The following MBD5 variants were observed in gnomAD, a reference collection of about 807,000 sequenced individuals.
MBD5 encodes methyl-CpG-binding domain protein 5.
In MBD5, 13 loss-of-function variants were observed where a neutral mutation model predicts 117.3. The ratio of observed to expected loss-of-function variants is 0.11; its 90% CI spans 0.07 to 0.18. The LOEUF is 0.18. MBD5 is among the 10% of genes least tolerant of loss of function. MBD5 has a pLI of 1.00. For synonymous variants in MBD5, 727 were observed against 766.4 expected (o/e 0.95, Z 0.85); for missense variants, 1,879 against 2,093.8 (o/e 0.90, Z 2.00).
intron 3 of MBD5, among the ~76,000 whole-genome samples, chr2:148,325,011 C>T (rs192840980): frequency 9.9e-5 from 15 of 152,266 alleles, no homozygotes; most frequent in Non-Finnish European, 1.8e-4. Context: ...TACATCCCAT[C>T]AATATCTAAT....
intron 4 of MBD5, among the ~76,000 whole-genome samples, chr2:148,445,949 GTTCATATCC>G (rs1180168942): frequency 6.6e-6 from 1 of 151,228 alleles, no homozygotes. Flanking sequence ...AGAAGCGTCT[GTTCATATCC>G]TTCGCCCACG....
At position 148,513,007 on chromosome 2, in the gene MBD5, G is replaced by C; in HGVS notation, c.*66G>C. The C allele has an allele frequency of 2.2e-6, 3 of 1,385,412 alleles. No homozygotes were observed. The highest frequency in any genetic ancestry group is 3.1e-6 in the Non-Finnish European group (3 of 973,094). 85.8% of individuals were successfully genotyped at this position (1,385,412 alleles called of 1,614,324 possible). A position where few individuals can be genotyped will look rare whatever the true frequency, so the allele number is the denominator to read the frequency against. ...CATGCACAGATGTATCTGTATATAGGTATTGATATAGCCACAGTTATATCA... is the reference window on the plus strand; with the variant it reads ...CATGCACAGATGTATCTGTATATAGCTATTGATATAGCCACAGTTATATCA... On this transcript the variant is annotated 3_prime_UTR_variant, in exon 14 of 14. Coordinates refer to ENST00000642680, the MANE Select transcript of MBD5 (RefSeq NM_001378120.1).
chr2:148,167,584 G>A (rs1214706404), intron 1 of MBD5, among the ~76,000 whole-genome samples: 1 of 152,020 alleles, frequency 6.6e-6, no homozygotes, highest in African/African-American at 2.4e-5. Context: ...TTATAATAGT[G>A]TTTTTCTTGG....
In MBD5 at chr2:148,483,884, C is replaced by T. The variant is rs1317202232; in HGVS notation, c.3293C>T (p.Ser1098Leu). ...QLLGGVLNSA[S>L]ANTANHPEVS... Reference sequence around the variant, plus strand: ...TTGGGAGGTGTCCTGAACTCGGCATCGGCCAACACCGCTAATCATCCAGAG... The same window carrying T: ...TTGGGAGGTGTCCTGAACTCGGCATTGGCCAACACCGCTAATCATCCAGAG... Residue 1098 changes from serine (S) to leucine (L), a missense_variant, in exon 9 of 14, where the codon TCG becomes TTG. Ser to Leu is a moderately radical substitution (Grantham distance 145). Around this residue, in one of 4 missense-constraint regions of MBD5, gnomAD observed 1,666 missense variants for 1,792.2 expected, o/e 0.93. Transcript: ENST00000642680. 7.1e-6 allele frequency: 11 copies of T among 1,550,576 alleles called. 1 individual carries two copies. Among genetic ancestry groups the T allele is most frequent in the South Asian group, 5.9e-5 (5 of 84,056 alleles).
intron 2 of MBD5, among the ~76,000 whole-genome samples, chr2:148,180,027 T>C (rs973886781): frequency 6.6e-6 from 1 of 151,818 alleles, no homozygotes; most frequent in Non-Finnish European, 1.5e-5. Context: ...GCAGGAGTGT[T>C]TTTTCTTTTT....
In MBD5 at chr2:148,513,417, C is replaced by G. The variant is rs1307534233; in HGVS notation, c.*476C>G. On this transcript the variant is annotated 3_prime_UTR_variant, in exon 14 of 14. Transcript: ENST00000642680. ...TTCTATGGAGTACACCTACCAGAGA[C>G]TACCAGTGTAAAGTGATAAATAAAA... The G allele has an allele frequency of 1.3e-4, 21 of 164,560 alleles. No homozygotes were observed. In the East Asian group the frequency reaches 3.6e-3, roughly 28 times the overall value. 10.2% of individuals were successfully genotyped at this position (164,560 alleles called of 1,614,324 possible).
chr2:148,486,609 C>A (rs1229410350), intron 10 of MBD5, among the ~76,000 whole-genome samples: 2 of 151,948 alleles, frequency 1.3e-5, no homozygotes, highest in Non-Finnish European at 2.9e-5. Context: ...ATAATTAACA[C>A]CTACAACATA....
At chr2:148,383,204 G>A (rs568632178) in intron 4 of MBD5, among the ~76,000 whole-genome samples, 18 of 151,986 alleles carry the variant, frequency 1.2e-4, no homozygotes, top group African/African-American at 2.2e-4. Flanking sequence ...TTGATAGACC[G>A]CTAGCAAGAC....
intron 8 of MBD5, among the ~76,000 whole-genome samples, chr2:148,479,617 C>A (rs542197480): frequency 1.3e-5 from 2 of 151,942 alleles, no homozygotes; most frequent in Non-Finnish European, 2.9e-5. Flanking sequence ...TAGGAGGAGC[C>A]GGAAGCATAG....
chr2:148,301,174 G>A (rs1701770110), intron 3 of MBD5, among the ~76,000 whole-genome samples: 1 of 152,200 alleles, frequency 6.6e-6, no homozygotes, highest in African/African-American at 2.4e-5. Context: ...AATAGAATAT[G>A]AGTTAACTGA....
intron 1 of MBD5, among the ~76,000 whole-genome samples, chr2:148,166,834 T>G (rs918158182): frequency 2.0e-5 from 3 of 152,154 alleles, no homozygotes; most frequent in African/African-American, 7.2e-5. Flanking sequence ...TATTTCTTTC[T>G]TTTATAACTT....
intron 1 of MBD5, among the ~76,000 whole-genome samples, chr2:148,046,108 C>T (rs928573742): frequency 2.1e-4 from 32 of 151,128 alleles, no homozygotes; most frequent in Admixed American, 1.5e-3. Context: ...CTCAGCCCCT[C>T]GAGTAGCTGG....
chr2:148,250,480 G>T (rs998563048), intron 3 of MBD5, among the ~76,000 whole-genome samples: 1 of 152,210 alleles, frequency 6.6e-6, no homozygotes, highest in Admixed American at 6.5e-5. Context: ...CTGAAAGTGG[G>T]TAATGGATTG....
intron 12 of MBD5, among the ~76,000 whole-genome samples, chr2:148,509,353 A>G (rs547467846): frequency 4.7e-4 from 71 of 152,044 alleles, no homozygotes; most frequent in Non-Finnish European, 8.8e-4. Context: ...CAAAAATGGC[A>G]GATGCACCGT....
intron 3 of MBD5, among the ~76,000 whole-genome samples, chr2:148,317,432 T>C (rs914894078): frequency 6.6e-6 from 1 of 152,070 alleles, no homozygotes; most frequent in Non-Finnish European, 1.5e-5. Flanking sequence ...AAGTAATAGA[T>C]GGGGCCAAAG....
At chr2:148,420,927 C>G (rs914756483) in intron 4 of MBD5, among the ~76,000 whole-genome samples, 1 of 152,024 alleles carries the variant, frequency 6.6e-6, no homozygotes, top group Non-Finnish European at 1.5e-5. Flanking sequence ...CAGGGTTTTG[C>G]CATTTTGCCG....
chr2:148,186,333 C>T (rs1698656661), intron 2 of MBD5, among the ~76,000 whole-genome samples: 1 of 152,176 alleles, frequency 6.6e-6, no homozygotes, highest in Admixed American at 6.5e-5. Flanking sequence ...AGCCATGTAG[C>T]ACTGTAAGTC....
At chr2:148,283,388 C>A (rs1173930463) in intron 3 of MBD5, among the ~76,000 whole-genome samples, 4 of 152,078 alleles carry the variant, frequency 2.6e-5, no homozygotes, top group Non-Finnish European at 5.9e-5. Flanking sequence ...AGTAGATCTA[C>A]ATTATCTGGT....
intron 2 of MBD5, among the ~76,000 whole-genome samples, chr2:148,201,527 C>T (rs928057416): frequency 2.0e-5 from 3 of 152,178 alleles, no homozygotes; most frequent in Non-Finnish European, 4.4e-5. Flanking sequence ...GCTGCCTTGG[C>T]CTTGCTGCTG....
Sources: allele counts gnomAD v4.1 joint callset (sites outside exome capture counted in the v4.1 genomes callset), GRCh38; gene constraint gnomAD v4.1.1; regional missense constraint gnomAD v4.1.1; transcripts MANE v1.5; gene names NCBI Gene and HGNC (gene_info 2026-07-23, HGNC 2026-07-21).